RNF180: variants seen among roughly 807,000 people sequenced by gnomAD.
RNF180 encodes ring finger protein 180, also known as E3 ubiquitin-protein ligase RNF180.
RNF180 carries 38 observed loss-of-function variants against 59.2 expected under a neutral mutation model. The ratio of observed to expected loss-of-function variants is 0.64; its 90% CI spans 0.50 to 0.84. The LOEUF is 0.84. Among genes scored for constraint, RNF180 ranks in the 40% least tolerant of loss-of-function variants. The pLI is 0.00. For synonymous variants in RNF180, 262 were observed against 240.3 expected (o/e 1.09, Z -0.84); for missense variants, 705 against 700.9 (o/e 1.01, Z -0.07).
chr5:64,299,814 C>G (rs1561247328), intron 5 of RNF180, among the ~76,000 whole-genome samples: 1 of 151,928 alleles, frequency 6.6e-6, no homozygotes, highest in Non-Finnish European at 1.5e-5. Context: ...TACCTGTAGT[C>G]AACTGTACTC....
At chr5:64,175,860 A>G (rs964985097) in intron 1 of RNF180, among the ~76,000 whole-genome samples, 5 of 152,110 alleles carry the variant, frequency 3.3e-5, no homozygotes, top group South Asian at 2.1e-4. Context: ...AATTTTTTGT[A>G]GTTATTGCAA....
intron 5 of RNF180, among the ~76,000 whole-genome samples, chr5:64,292,478 A>G (rs1561243155): frequency 6.6e-6 from 1 of 152,112 alleles, no homozygotes; most frequent in Non-Finnish European, 1.5e-5. Context: ...AAACAGCAAA[A>G]GTGGCAGCCT....
intron 5 of RNF180, among the ~76,000 whole-genome samples, chr5:64,238,524 A>G (rs1297964418): frequency 6.6e-6 from 1 of 152,124 alleles, no homozygotes; most frequent in Non-Finnish European, 1.5e-5. Context: ...TCTTTTGGTA[A>G]TAGCCATTCT....
upstream of RNF180, among the ~76,000 whole-genome samples, chr5:64,165,432 T>C (rs987172841): frequency 4.6e-5 from 7 of 152,156 alleles, no homozygotes; most frequent in African/African-American, 1.4e-4. Context: ...CCAGGTAGCG[T>C]TGCCAGCTTA....
At chr5:64,243,834 G>C (rs1489736829) in intron 5 of RNF180, among the ~76,000 whole-genome samples, 2 of 152,166 alleles carry the variant, frequency 1.3e-5, no homozygotes, top group Non-Finnish European at 2.9e-5. Context: ...ACCTCATACA[G>C]GACAGTTCTG....
At chr5:64,311,175 C>A (rs1042528669) in intron 5 of RNF180, among the ~76,000 whole-genome samples, 1 of 151,962 alleles carries the variant, frequency 6.6e-6, no homozygotes, top group East Asian at 1.9e-4. Flanking sequence ...TAAAGTGACA[C>A]CCCATCTCTA....
intron 5 of RNF180, among the ~76,000 whole-genome samples, chr5:64,321,296 C>G (rs1370847076): frequency 6.6e-6 from 1 of 152,116 alleles, no homozygotes; most frequent in African/African-American, 2.4e-5. Flanking sequence ...CCCAAAACCT[C>G]CTTAAGCTGA....
At chr5:64,294,845 G>A (rs1742805390) in intron 5 of RNF180, among the ~76,000 whole-genome samples, 1 of 151,956 alleles carries the variant, frequency 6.6e-6, no homozygotes, top group Admixed American at 6.6e-5. Context: ...TCACTGAATT[G>A]TAACAAATGC....
chr5:64,169,644 G>T (rs1749832525), intron 1 of RNF180, among the ~76,000 whole-genome samples: 1 of 152,180 alleles, frequency 6.6e-6, no homozygotes, highest in African/African-American at 2.4e-5. Context: ...TAACCAAGTA[G>T]CCTGTTTAAT....
chr5:64,275,147 A>C (rs550147799), intron 5 of RNF180, among the ~76,000 whole-genome samples: 6 of 151,826 alleles, frequency 4.0e-5, no homozygotes, highest in Non-Finnish European at 7.4e-5. Flanking sequence ...TTAGAAATTA[A>C]AAGAATTCTG....
intron 5 of RNF180, among the ~76,000 whole-genome samples, chr5:64,266,762 G>C (rs1268042787): frequency 6.6e-6 from 1 of 152,094 alleles, no homozygotes; most frequent in Non-Finnish European, 1.5e-5. Context: ...GAGAGTAGGT[G>C]TAAATCGAGA....
chr5:64,325,185 G>A lies in RNF180; in HGVS notation c.1228-1G>A, dbSNP rs1234314099. ...GAAAAAAGTTTTCTTATGTTTTGCA[G>A]ACTTTGAATAATGAGATGAGTACAG... On this transcript the variant is annotated splice_acceptor_variant, in intron 5 of 7. Transcript: ENST00000389100. LOFTEE classifies it high-confidence loss of function. The A allele has an allele frequency of 8.4e-6, 13 of 1,542,018 alleles. No homozygotes were observed. Among genetic ancestry groups the A allele is most frequent in the Non-Finnish European group, 1.1e-5 (13 of 1,138,632 alleles).
intron 1 of RNF180, among the ~76,000 whole-genome samples, chr5:64,187,092 T>C (rs1002427649): frequency 1.3e-5 from 2 of 152,160 alleles, no homozygotes; most frequent in Admixed American, 1.3e-4. Flanking sequence ...TTTATAATTC[T>C]TAAAGATGTC....
chr5:64,202,366 A>G (rs1287031559), intron 2 of RNF180, among the ~76,000 whole-genome samples: 3 of 152,174 alleles, frequency 2.0e-5, no homozygotes, highest in Non-Finnish European at 4.4e-5. Flanking sequence ...CCATTTATGA[A>G]TATACCACAG....
chr5:64,190,513 A>C (rs1245110657), intron 1 of RNF180, among the ~76,000 whole-genome samples: 2 of 152,048 alleles, frequency 1.3e-5, no homozygotes, highest in East Asian at 3.9e-4. Flanking sequence ...AGCTGTTGGG[A>C]TGGAGTGGAT....
At chr5:64,211,943 G>A in intron 2 of RNF180, 122 bp from the exon 3 acceptor site, 1 of 536,744 alleles carries the variant, frequency 1.9e-6, no homozygotes, top group Non-Finnish European at 3.3e-6. Context: ...GGAAGGGAAG[G>A]CAGTGTATAT....
At chr5:64,258,752 C>T (rs1561223216) in intron 5 of RNF180, among the ~76,000 whole-genome samples, 1 of 152,070 alleles carries the variant, frequency 6.6e-6, no homozygotes, top group Non-Finnish European at 1.5e-5. Context: ...AAAACATTTT[C>T]TCTTAGATAA....
At chr5:64,174,735 C>G (rs1750134810) in intron 1 of RNF180, among the ~76,000 whole-genome samples, 1 of 151,804 alleles carries the variant, frequency 6.6e-6, no homozygotes. Flanking sequence ...AATATTTTTC[C>G]CATTCTATAG....
chr5:64,226,679 GA>G (rs992818341), intron 5 of RNF180, among the ~76,000 whole-genome samples: 1 of 149,592 alleles, frequency 6.7e-6, no homozygotes, highest in African/African-American at 2.5e-5. Context: ...AAAAAAAAAA[GA>G]AAAAATTTTT....
Sources: allele counts gnomAD v4.1 joint callset (sites outside exome capture counted in the v4.1 genomes callset), GRCh38; gene constraint gnomAD v4.1.1; transcripts MANE v1.5; gene names NCBI Gene and HGNC (gene_info 2026-07-23, HGNC 2026-07-21).